Variants in UTRN observed in about 807,000 individuals in gnomAD.
The protein encoded by UTRN is dystrophin-related protein 1.
UTRN carries 283 observed loss-of-function variants against 463.9 expected under a neutral mutation model. The observed-to-expected ratio is 0.61, with a 90% CI of 0.55 to 0.67. The LOEUF is 0.67. Ranked by LOEUF, UTRN falls within the 30% of genes least tolerant of loss-of-function variation. The probability of loss-of-function intolerance (pLI) is 0.00; values close to 1 mark genes in which losing one functional copy is unlikely to be tolerated. For missense variants in UTRN, 3,922 were observed against 4,084.3 expected (o/e 0.96, Z 1.08); for synonymous variants, 1,442 against 1,431.5 (o/e 1.01, Z -0.17).
Position 144,473,730 on chromosome 6 carries a change from C to T in UTRN, c.3077C>T (p.Thr1026Ile), listed in dbSNP as rs773708781. 6.2e-7 allele frequency: 1 copy of T among 1,613,842 alleles called. No homozygotes were observed. Among genetic ancestry groups the T allele is most frequent in the African/African-American group, 1.3e-5 (1 of 74,904 alleles). Residue 1026 changes from threonine to isoleucine, a missense_variant, in exon 24 of 75, where the codon ACA (threonine) becomes ATA (isoleucine). Around this residue, in one of 3 missense-constraint regions of UTRN, gnomAD observed 2,349 missense variants for 2,303.8 expected, o/e 1.02. Coordinates refer to ENST00000367545, the MANE Select transcript of UTRN (RefSeq NM_007124.3). ...ATCATGTTCGATTAGGCCGATTCAA[C>T]AGTCATTGAGAAGTGGATGGATGGC... Reference protein sequence around the residue: ...LTLRAFEADSTVIEKWMDGVK... With the variant: ...LTLRAFEADSIVIEKWMDGVK...
chr6:144,585,057 T>C (rs1392737444), intron 51 of UTRN, among the ~76,000 whole-genome samples: 1 of 152,088 alleles, frequency 6.6e-6, no homozygotes, highest in African/African-American at 2.4e-5. Flanking sequence ...ACCAAATATT[T>C]TTCTAAAGTC....
In UTRN at chr6:144,416,076, T is replaced by G. The variant is rs572916122; in HGVS notation, c.142-5802T>G. The stretch of plus-strand genomic sequence containing the variant: ...GTATGTGTGTGTGTGTGTGTGTGGG[T>G]GTGTGCATATTTGTGTGTGGCCTTT... On this transcript the variant is annotated intron_variant, in intron 3 of 74. Transcript: ENST00000367545. 1.6e-4 allele frequency among the ~76,000 whole-genome samples: 25 copies of G among 151,988 alleles called. No homozygotes were observed. The South Asian group carries it at 4.6e-3, about 28-fold the overall frequency.
intron 51 of UTRN, among the ~76,000 whole-genome samples, chr6:144,591,743 C>G (rs1803093598): frequency 6.6e-6 from 1 of 151,306 alleles, no homozygotes; most frequent in South Asian, 2.1e-4. Context: ...AACTCACCCC[C>G]CAAAATCCGA....
intron 52 of UTRN, among the ~76,000 whole-genome samples, chr6:144,683,275 C>T (rs1406045): frequency 0.52 from 78,477 of 152,026 alleles, 24,684 homozygotes; most frequent in East Asian, 0.88. Context: ...CATGGCCTGT[C>T]GTCAAGTGGA....
chr6:144,556,437 A>G (rs1401151950), intron 49 of UTRN, among the ~76,000 whole-genome samples: 1 of 152,228 alleles, frequency 6.6e-6, no homozygotes, highest in African/African-American at 2.4e-5. Flanking sequence ...TTCAGTTATC[A>G]TATTAGAACA....
chr6:144,357,359 A>G (rs1778657681), intron 2 of UTRN, among the ~76,000 whole-genome samples: 2 of 152,224 alleles, frequency 1.3e-5, no homozygotes, highest in Admixed American at 1.3e-4. Flanking sequence ...AGATCACAGC[A>G]TTTTGTTTTC....
At chr6:144,588,442 A>C (rs954664903) in intron 51 of UTRN, among the ~76,000 whole-genome samples, 5 of 152,202 alleles carry the variant, frequency 3.3e-5, no homozygotes, top group Non-Finnish European at 7.3e-5. Context: ...TAACTAATAC[A>C]TTCTATAAGG....
rs891763805 is a variant in UTRN at position 144,580,464 on chromosome 6, A to G, written c.7479+3176A>G. Among the ~76,000 whole-genome samples, 13 of 152,190 alleles carry G rather than the reference A, an allele frequency of 8.5e-5. No homozygotes were observed. In the South Asian group the frequency reaches 2.5e-3, roughly 29 times the overall value. The stretch of plus-strand genomic sequence containing the variant: ...AGGTGAATCTTGGGTGAATTTTGAT[A>G]AGGATAGGTCTAAAGCACATGGAAG... On this transcript the variant is annotated intron_variant, in intron 51 of 74. Coordinates refer to ENST00000367545, the MANE Select transcript of UTRN (RefSeq NM_007124.3).
chr6:144,490,297 T>C, intron 31 of UTRN, 98 bp downstream of exon 31: 1 of 1,490,906 alleles, frequency 6.7e-7, no homozygotes, highest in Non-Finnish European at 8.9e-7. Flanking sequence ...TTTGTATTCT[T>C]TGTGATGTAA....
rs545287503 is a variant in UTRN at position 144,566,212 on chromosome 6, C to T, written c.7289+8901C>T. Among the ~76,000 whole-genome samples, 8 of 152,166 alleles carry T rather than the reference C, an allele frequency of 5.3e-5. No individual in the cohort carries two copies. The South Asian group carries it at 1.2e-3, about 24-fold the overall frequency. On this transcript the variant is annotated intron_variant, in intron 50 of 74. Transcript: ENST00000367545. ...GCAAGAACTGAGCTTTATGATCTAT[C>T]GAGCACATTGTCAGTGAAGTTGGAG...
At chr6:144,300,665 C>T (rs769231252) in intron 2 of UTRN, among the ~76,000 whole-genome samples, 7 of 152,136 alleles carry the variant, frequency 4.6e-5, no homozygotes, top group Non-Finnish European at 8.8e-5. Flanking sequence ...ACCTGCTCCT[C>T]AGGCAGTTTT....
rs117939243 is a variant in UTRN at position 144,809,679 on chromosome 6, C to T, written c.9357+6532C>T. 2.4e-3 allele frequency among the ~76,000 whole-genome samples: 369 copies of T among 152,032 alleles called. 4 individuals are homozygous for T. The highest frequency in any genetic ancestry group is 0.017 in the East Asian group (87 of 5,166). On this transcript the variant is annotated intron_variant, in intron 65 of 74. Transcript: ENST00000367545. ...TGACTGAAGTGGGACATAGAAGGTT[C>T]TAGAAATGAGATGGCTTTTAGAAGG...
chr6:144,411,239 G>A (rs1284670945), intron 3 of UTRN, among the ~76,000 whole-genome samples: 3 of 152,098 alleles, frequency 2.0e-5, no homozygotes, highest in Non-Finnish European at 4.4e-5. Context: ...TTGATTTTTT[G>A]ATTACAGCCA....
At chr6:144,388,567 G>A (rs916393364) in intron 2 of UTRN, among the ~76,000 whole-genome samples, 5 of 151,622 alleles carry the variant, frequency 3.3e-5, no homozygotes, top group East Asian at 1.9e-4. Context: ...GTGTGATCAC[G>A]GCTCACTGCA....
At chr6:144,737,082 C>T (rs1197178777) in intron 54 of UTRN, among the ~76,000 whole-genome samples, 12 of 152,138 alleles carry the variant, frequency 7.9e-5, no homozygotes, top group Non-Finnish European at 4.4e-5. Flanking sequence ...AAGCTTGGCC[C>T]TTCCCTCTTT....
At chr6:144,585,112 T>C (rs1217684778) in intron 51 of UTRN, among the ~76,000 whole-genome samples, 1 of 152,074 alleles carries the variant, frequency 6.6e-6, no homozygotes, top group Non-Finnish European at 1.5e-5. Context: ...AGAAGTCAAG[T>C]ATTGGAGAAA....
Position 144,490,104 on chromosome 6 carries a change from A to G in UTRN, c.4168A>G (p.Thr1390Ala). 1 of 1,613,260 alleles carries G rather than the reference A, an allele frequency of 6.2e-7. No individual in the cohort carries two copies. The highest frequency in any genetic ancestry group is 1.1e-5 in the South Asian group (1 of 90,918). ...AGCAGAGATCTCAGCCCATGAGCTA[A>G]CCCTAGAGGAGTTGAGAAGAAATAT... Reference protein sequence around the residue: ...IQAEISAHELTLEELRRNMRS... With the variant: ...IQAEISAHELALEELRRNMRS... Residue 1390 changes from threonine to alanine, a missense_variant, in exon 31 of 75, where the codon ACC (threonine) becomes GCC (alanine). This residue lies in a region of UTRN where 2,349 missense variants were observed against 2,303.8 expected (regional missense o/e 1.02). Transcript: ENST00000367545.
At position 144,678,528 on chromosome 6, in the gene UTRN, T is replaced by A; in HGVS notation, c.7602T>A (p.Asp2534Glu). The change falls in exon 52 of 75, where the codon GAT becomes GAA. Residue 2534 changes from aspartate to glutamate, a missense_variant. Coordinates refer to ENST00000367545, the MANE Select transcript of UTRN (RefSeq NM_007124.3). The part of the protein sequence containing the change: ...EEATMLQHRL[D>E]DMNQRWNDLK... ...CTACTATGCTTCAACATCGACTGGA[T>A]GATATGAACCAAAGATGGAATGACT... The A allele has an allele frequency of 6.2e-7, 1 of 1,612,794 alleles. No homozygotes were observed. The highest frequency in any genetic ancestry group is 8.5e-7 in the Non-Finnish European group (1 of 1,179,308).
chr6:144,620,656 G>A (rs1775266165), intron 51 of UTRN, among the ~76,000 whole-genome samples: 1 of 151,850 alleles, frequency 6.6e-6, no homozygotes, highest in Non-Finnish European at 1.5e-5. Flanking sequence ...CTCTAATAAA[G>A]GTGTGGTGAG....
Sources: allele counts gnomAD v4.1 joint callset (sites outside exome capture counted in the v4.1 genomes callset), GRCh38; gene constraint gnomAD v4.1.1; regional missense constraint gnomAD v4.1.1; transcripts MANE v1.5; gene names NCBI Gene and HGNC (gene_info 2026-07-23, HGNC 2026-07-21).